Variants in MAP6 observed in about 807,000 individuals in gnomAD.
MAP6 encodes microtubule-associated protein 6.
A neutral mutation model predicts 42.4 loss-of-function variants in MAP6; 26 were observed. That is an observed-to-expected ratio of 0.61 (90% CI 0.45 to 0.85). The LOEUF is 0.85. Ranked by LOEUF, MAP6 falls within the 40% of genes least tolerant of loss-of-function variation. MAP6 has a pLI of 0.00. For synonymous variants in MAP6, 418 were observed against 443.8 expected (o/e 0.94, Z 0.73); for missense variants, 966 against 1,099.0 (o/e 0.88, Z 1.71).
At chr11:75,651,002 C>A (rs746533305) in intron 1 of MAP6, among the ~76,000 whole-genome samples, 6 of 152,172 alleles carry the variant, frequency 3.9e-5, no homozygotes, top group Non-Finnish European at 8.8e-5. Context: ...CCCATCAGCA[C>A]CACAATCCCC....
intron 1 of MAP6, 142 bp from the exon 2 acceptor site, chr11:75,608,464 C>T (rs928585693): frequency 1.6e-5 from 11 of 688,916 alleles, no homozygotes; most frequent in African/African-American, 5.4e-5. Flanking sequence ...TAGCCTCACT[C>T]TTTCATAAGG....
intron 1 of MAP6, among the ~76,000 whole-genome samples, chr11:75,613,944 C>T (rs1942951765): frequency 6.6e-6 from 1 of 152,210 alleles, no homozygotes; most frequent in Admixed American, 6.5e-5. Flanking sequence ...GCCATATAGT[C>T]ACATTCACAG....
intron 1 of MAP6, among the ~76,000 whole-genome samples, chr11:75,658,504 G>A (rs561096990): frequency 6.6e-5 from 10 of 151,952 alleles, no homozygotes; most frequent in African/African-American, 2.4e-4. Context: ...ATTCTTATCA[G>A]CACTTGCTTA....
At chr11:75,592,413 T>C (rs904439284) in intron 3 of MAP6, among the ~76,000 whole-genome samples, 3 of 152,224 alleles carry the variant, frequency 2.0e-5, no homozygotes, top group Non-Finnish European at 4.4e-5. Flanking sequence ...TTATTGTTGC[T>C]GAAAGCTGGT....
chr11:75,668,490 A>C lies in MAP6; in HGVS notation c.-121T>G. ...TGGTTCCCACCGTTTTCTACCCCCG[A>C]TCAGCCGGAGCTAGTTCGCCCTCCT... On this transcript the variant is annotated 5_prime_UTR_variant, in exon 1 of 4. Coordinates refer to ENST00000304771, the MANE Select transcript of MAP6 (RefSeq NM_033063.2). The C allele has an allele frequency of 4.4e-6, 6 of 1,369,270 alleles. No individual in the cohort carries two copies. Among genetic ancestry groups the C allele is most frequent in the Non-Finnish European group, 5.7e-6 (6 of 1,055,516 alleles). 84.8% of individuals were successfully genotyped at this position (1,369,270 alleles called of 1,614,324 possible). A position where few individuals can be genotyped will look rare whatever the true frequency, so the allele number is the denominator to read the frequency against.
Position 75,667,391 on chromosome 11 carries a change from A to C in MAP6, c.905+74T>G. On this transcript the variant is annotated intron_variant, in intron 1 of 3. Coordinates refer to ENST00000304771, the MANE Select transcript of MAP6 (RefSeq NM_033063.2). This position sits in a 1 kb window ranked among gnomAD's most constrained non-coding sequence, Gnocchi z 5.6. ...GCTGCACGCTAGGCCTGCGCTGGGG[A>C]TCCTGGGCCCCGGGCAGCCCGCGGG... is the stretch of plus-strand genomic sequence containing the variant. 7.6e-7 allele frequency: 1 copy of C among 1,322,688 alleles called. No individual in the cohort carries two copies. The highest frequency in any genetic ancestry group is 9.8e-7 in the Non-Finnish European group (1 of 1,020,040). The allele number at this position is 1,322,688 out of a possible 1,614,324, so 81.9% of individuals were successfully genotyped here. A position where few individuals can be genotyped will look rare whatever the true frequency, so the allele number is the denominator to read the frequency against.
At chr11:75,650,437 T>C (rs937644620) in intron 1 of MAP6, among the ~76,000 whole-genome samples, 2 of 152,204 alleles carry the variant, frequency 1.3e-5, no homozygotes, top group South Asian at 2.1e-4. Flanking sequence ...CTAAATTTAA[T>C]AATTAGTTAT....
Position 75,587,308 on chromosome 11 carries a change from G to A in MAP6, c.2193C>T (p.Val731=), listed in dbSNP as rs759607870. 1 of 1,614,160 alleles carries A rather than the reference G, an allele frequency of 6.2e-7. No homozygotes were observed. Among genetic ancestry groups the A allele is most frequent in the Admixed American group, 1.7e-5 (1 of 60,028 alleles). The change falls in exon 4 of 4, where the codon GTC becomes GTT. Residue 731 remains valine (V), a synonymous_variant. Transcript: ENST00000304771. ...GACCTTGATTCTTTGGAGGCTGTAG[G>A]ACTGTGGGGCCTTGATCCTTAACTA... ...PVLVKDQGPT[V]LQPPKNQGRI... is the part of the protein sequence containing the mutation.
intron 3 of MAP6, among the ~76,000 whole-genome samples, chr11:75,600,302 G>A (rs181872019): frequency 1.1e-3 from 174 of 152,278 alleles, no homozygotes; most frequent in East Asian, 8.1e-3. Flanking sequence ...GAGACACAGC[G>A]TTGCACGGCA....
chr11:75,653,280 T>G (rs1474980086), intron 1 of MAP6, among the ~76,000 whole-genome samples: 2 of 152,206 alleles, frequency 1.3e-5, no homozygotes, highest in Non-Finnish European at 2.9e-5. Flanking sequence ...GAATGGACTT[T>G]CTTGTACATC....
At chr11:75,649,491 A>T (rs1943613692) in intron 1 of MAP6, among the ~76,000 whole-genome samples, 1 of 152,154 alleles carries the variant, frequency 6.6e-6, no homozygotes, top group Admixed American at 6.5e-5. Context: ...TTACCTGAAA[A>T]AATATTTTTT....
At chr11:75,658,067 G>A (rs1000092496) in intron 1 of MAP6, among the ~76,000 whole-genome samples, 1 of 152,142 alleles carries the variant, frequency 6.6e-6, no homozygotes, top group Non-Finnish European at 1.5e-5. Flanking sequence ...CACAATTTAT[G>A]TATCCTACTG....
At chr11:75,654,428 T>C (rs1260241400) in intron 1 of MAP6, among the ~76,000 whole-genome samples, 4 of 152,222 alleles carry the variant, frequency 2.6e-5, no homozygotes, top group African/African-American at 9.7e-5. Context: ...AAGTGGTTCA[T>C]GACTCAGGCC....
chr11:75,607,674 C>T (rs1942805328), intron 2 of MAP6: 1 of 985,044 alleles, frequency 1.0e-6, no homozygotes, highest in Non-Finnish European at 1.2e-6. Flanking sequence ...AGAAAGGGTC[C>T]AGTGATTGGA....
chr11:75,648,862 A>C (rs1943604375), intron 1 of MAP6, among the ~76,000 whole-genome samples: 1 of 152,224 alleles, frequency 6.6e-6, no homozygotes, highest in Non-Finnish European at 1.5e-5. Context: ...AATCAGGGAA[A>C]TATGAAGTAA....
chr11:75,658,097 T>C (rs1179116431), intron 1 of MAP6, among the ~76,000 whole-genome samples: 6 of 152,208 alleles, frequency 3.9e-5, no homozygotes, highest in Non-Finnish European at 5.9e-5. Context: ...ATTTGGGCTG[T>C]TTTAGTTCTT....
At chr11:75,654,754 C>A (rs777251130) in intron 1 of MAP6, among the ~76,000 whole-genome samples, 1 of 152,170 alleles carries the variant, frequency 6.6e-6, no homozygotes, top group Non-Finnish European at 1.5e-5. Flanking sequence ...TTATCTCCCC[C>A]CAACTTCATC....
chr11:75,628,850 C>T (rs374350009), intron 1 of MAP6, among the ~76,000 whole-genome samples: 2 of 152,146 alleles, frequency 1.3e-5, no homozygotes, highest in African/African-American at 4.8e-5. Context: ...ATTTGTTGAA[C>T]GTAAAAGTTA....
intron 2 of MAP6, among the ~76,000 whole-genome samples, chr11:75,606,610 C>T (rs1284702502): frequency 1.3e-5 from 2 of 152,096 alleles, no homozygotes; most frequent in Middle Eastern, 3.2e-3. Context: ...CTGCAGCACC[C>T]GCTGGCTTCC....
Sources: gnomAD v4.1 joint callset for allele counts (sites outside exome capture counted in the v4.1 genomes callset) on GRCh38, gnomAD v4.1.1 for gene constraint, Gnocchi (gnomAD v3.1) non-coding constraint, MANE v1.5 for transcripts, NCBI Gene and HGNC (gene_info 2026-07-23, HGNC 2026-07-21) for gene names.